Variants in ASTN1 observed in about 807,000 individuals in gnomAD.
ASTN1 encodes the protein astrotactin 1.
ASTN1 carries 41 observed loss-of-function variants against 140.7 expected under a neutral mutation model. That is an observed-to-expected ratio of 0.29 (90% CI 0.23 to 0.38). ASTN1 has a LOEUF of 0.38. Among genes scored for constraint, ASTN1 ranks in the 10% least tolerant of loss-of-function variants. The probability of loss-of-function intolerance (pLI) is 1.00; values close to 1 mark genes in which losing one functional copy is unlikely to be tolerated. For synonymous variants in ASTN1, 640 were observed against 652.2 expected, an observed-to-expected ratio of 0.98 and a Z score of 0.29; for missense variants, 1,479 against 1,678.8, an observed-to-expected ratio of 0.88 and a Z score of 2.08.
At chr1:177,017,574 T>C (rs1675620867) in intron 7 of ASTN1, among the ~76,000 whole-genome samples, 2 of 152,134 alleles carry the variant, frequency 1.3e-5, no homozygotes, top group Admixed American at 6.5e-5. Context: ...AAGCTAGAAG[T>C]GTTACAGTCT....
At chr1:177,045,053 G>A (rs778052148) in intron 2 of ASTN1, among the ~76,000 whole-genome samples, 8 of 151,924 alleles carry the variant, frequency 5.3e-5, no homozygotes, top group Admixed American at 2.0e-4. Flanking sequence ...TCCCTGAAAC[G>A]TCCTTCTTTA....
Position 176,863,220 on chromosome 1 carries a change from A to G in ASTN1, c.*1064T>C. The G allele has an allele frequency of 1.2e-5, 12 of 985,920 alleles. No homozygotes were observed. The highest frequency in any genetic ancestry group is 1.4e-5 in the Non-Finnish European group (12 of 829,942). 61.1% of individuals were successfully genotyped at this position (985,920 alleles called of 1,614,324 possible). On this transcript the variant is annotated 3_prime_UTR_variant, in exon 23 of 23. Transcript: ENST00000361833. ...CATCAGAGAAACGATTTGCAAAACT[A>G]GCAACACAAGCAAATTTAGCAAGGT...
At chr1:176,912,591 A>G (rs1670292802) in intron 16 of ASTN1, among the ~76,000 whole-genome samples, 1 of 152,138 alleles carries the variant, frequency 6.6e-6, no homozygotes, top group African/African-American at 2.4e-5. Flanking sequence ...CTGCTCTTTG[A>G]GGCAGGTATA....
At position 177,164,649 on chromosome 1, in the gene ASTN1, G is replaced by A; in HGVS notation, c.28C>T (p.Leu10Phe). 6.3e-7 allele frequency: 1 copy of A among 1,598,314 alleles called. No individual in the cohort carries two copies. The highest frequency in any genetic ancestry group is 8.5e-7 in the Non-Finnish European group (1 of 1,172,342). Residue 10 changes from leucine (L) to phenylalanine (F), a missense_variant, in exon 1 of 23, where the codon CTC (leucine) becomes TTC (phenylalanine). By Grantham distance (22) the Leu-to-Phe change is conservative (BLOSUM62 0). Coordinates refer to ENST00000361833, the MANE Select transcript of ASTN1 (RefSeq NM_004319.3). MALAGLCAL[L>F]ACCWGPAAVL... is the part of the protein sequence containing the mutation. ...GCCGCCGGCCCCCAGCAGCAGGCGA[G>A]CAGGGCGCAGAGCCCGGCTAAAGCC...
intron 13 of ASTN1, 49 bp from the exon 14 acceptor site, chr1:176,944,067 T>G (rs1487365173): frequency 6.3e-6 from 10 of 1,579,700 alleles, no homozygotes; most frequent in Non-Finnish European, 8.6e-6. Flanking sequence ...TGAACCTGAC[T>G]CCTTACTGAG....
At chr1:176,860,691 C>T (rs889038958), downstream of ASTN1, among the ~76,000 whole-genome samples, 3 of 152,160 alleles carry the variant, frequency 2.0e-5, no homozygotes, top group African/African-American at 7.2e-5. Context: ...TTATCATAGT[C>T]CTCCTCACCC....
intron 8 of ASTN1, among the ~76,000 whole-genome samples, chr1:176,969,985 G>A (rs1368588127): frequency 2.6e-5 from 4 of 152,228 alleles, no homozygotes; most frequent in African/African-American, 7.2e-5. Flanking sequence ...TGTAACGGAT[G>A]CACAGCAGCC....
At chr1:177,062,841 C>T (rs1456016991) in intron 1 of ASTN1, among the ~76,000 whole-genome samples, 1 of 152,196 alleles carries the variant, frequency 6.6e-6, no homozygotes, top group Non-Finnish European at 1.5e-5. Context: ...GTCCCAGGCA[C>T]TCAGATACTA....
chr1:177,055,492 A>T (rs1305757991), intron 2 of ASTN1, among the ~76,000 whole-genome samples: 1 of 152,216 alleles, frequency 6.6e-6, no homozygotes, highest in Admixed American at 6.5e-5. Context: ...GTTTCAAGAG[A>T]TCTTACTGAT....
chr1:177,089,605 C>A (rs1679642979), intron 1 of ASTN1, among the ~76,000 whole-genome samples: 1 of 152,136 alleles, frequency 6.6e-6, no homozygotes, highest in Admixed American at 6.5e-5. Flanking sequence ...CTCGCACACC[C>A]ACTGCTCACA....
intron 8 of ASTN1, among the ~76,000 whole-genome samples, chr1:177,008,349 T>A (rs1439571503): frequency 1.3e-5 from 2 of 150,142 alleles, no homozygotes; most frequent in African/African-American, 4.9e-5. Context: ...TTTCATTGAC[T>A]CCTAGGGGAA....
At chr1:176,998,395 G>A (rs1294474886) in intron 8 of ASTN1, among the ~76,000 whole-genome samples, 1 of 152,020 alleles carries the variant, frequency 6.6e-6, no homozygotes, top group East Asian at 1.9e-4. Context: ...TCTCCCTCCC[G>A]CTCTTATACA....
At chr1:176,999,745 G>A (rs1489897582) in intron 8 of ASTN1, among the ~76,000 whole-genome samples, 1 of 152,094 alleles carries the variant, frequency 6.6e-6, no homozygotes, top group African/African-American at 2.4e-5. Flanking sequence ...GAATCATGGG[G>A]GCAGTTTCCC....
chr1:177,101,426 C>T (rs1157558758), intron 1 of ASTN1, among the ~76,000 whole-genome samples: 1 of 152,268 alleles, frequency 6.6e-6, no homozygotes, highest in East Asian at 1.9e-4. Context: ...TCATGAAGTC[C>T]ATACTGTTGA....
At chr1:177,158,309 T>G (rs898407204) in intron 1 of ASTN1, among the ~76,000 whole-genome samples, 2 of 152,216 alleles carry the variant, frequency 1.3e-5, no homozygotes, top group Non-Finnish European at 2.9e-5. Flanking sequence ...ATATTTTTAG[T>G]AGGAATAAAA....
In ASTN1 at chr1:177,023,279, G is replaced by A. The variant is rs13375529; in HGVS notation, c.1438+125C>T. 12,081 of 1,229,748 alleles carry A rather than the reference G, an allele frequency of 9.8e-3. 836 individuals carry two copies. The African/African-American group carries it at 0.16, about 16-fold the overall frequency. The allele number at this position is 1,229,748 out of a possible 1,614,324, so 76.2% of individuals were successfully genotyped here. A position where few individuals can be genotyped will look rare whatever the true frequency, so the allele number is the denominator to read the frequency against. Reference sequence around the variant, plus strand: ...CGGCCCAACCACATGCAGGCAGTCCGCATGGTCTAGGCTCGAGATGGCAGT... The same window carrying A: ...CGGCCCAACCACATGCAGGCAGTCCACATGGTCTAGGCTCGAGATGGCAGT... On this transcript the variant is annotated intron_variant, in intron 7 of 22. Coordinates refer to ENST00000361833, the MANE Select transcript of ASTN1 (RefSeq NM_004319.3).
At chr1:177,039,798 T>C (rs557205766) in intron 2 of ASTN1, among the ~76,000 whole-genome samples, 1 of 152,306 alleles carries the variant, frequency 6.6e-6, no homozygotes, top group African/African-American at 2.4e-5. Context: ...AGGAAATGGC[T>C]CTACATTGGT....
intron 1 of ASTN1, among the ~76,000 whole-genome samples, chr1:177,113,287 C>T (rs1192237854): frequency 1.3e-5 from 2 of 152,214 alleles, no homozygotes; most frequent in Non-Finnish European, 2.9e-5. Flanking sequence ...AAAGAGCCCA[C>T]TGTCCCCCCA....
chr1:177,052,306 C>T (rs1217805347), intron 2 of ASTN1, among the ~76,000 whole-genome samples: 2 of 152,106 alleles, frequency 1.3e-5, no homozygotes, highest in South Asian at 2.1e-4. Flanking sequence ...GCTTGCATGG[C>T]CCCCCAAGAG....
Sources: allele counts gnomAD v4.1 joint callset (sites outside exome capture counted in the v4.1 genomes callset), GRCh38; gene constraint gnomAD v4.1.1; transcripts MANE v1.5; gene names NCBI Gene and HGNC (gene_info 2026-07-23, HGNC 2026-07-21).